SH3PXD2A: variants seen among roughly 807,000 people sequenced by gnomAD.
The protein encoded by SH3PXD2A is SH3 and PX domain-containing protein 2A.
Under a neutral mutation model 115.2 loss-of-function variants are expected in SH3PXD2A, and 32 were observed. That is an observed-to-expected ratio of 0.28 (90% confidence interval 0.21 to 0.37). SH3PXD2A has a LOEUF of 0.37. SH3PXD2A is among the 10% of genes least tolerant of loss of function. The pLI, the probability that SH3PXD2A is intolerant of heterozygous loss-of-function variation, is 1.00. For missense variants in SH3PXD2A, 1,328 were observed against 1,498.7 expected (o/e 0.89, Z 1.88); for synonymous variants, 610 against 629.1 (o/e 0.97, Z 0.45).
intron 6 of SH3PXD2A, among the ~76,000 whole-genome samples, chr10:103,692,204 A>G (rs377614731): frequency 4.9e-4 from 74 of 152,174 alleles, no homozygotes; most frequent in African/African-American, 1.8e-3. Flanking sequence ...ACTCTCCCCC[A>G]GTTAACTACA....
At chr10:103,691,610 T>G (rs1008270611) in intron 6 of SH3PXD2A, among the ~76,000 whole-genome samples, 2 of 152,024 alleles carry the variant, frequency 1.3e-5, no homozygotes, top group African/African-American at 4.8e-5. Context: ...CACCAGTGGG[T>G]GTGCCTGCCT....
intron 4 of SH3PXD2A, 137 bp from the exon 5 acceptor site, chr10:103,724,498 C>A: frequency 1.9e-6 from 1 of 531,792 alleles, no homozygotes; most frequent in Non-Finnish European, 3.4e-6. Flanking sequence ...ACCAGCCACC[C>A]ACCTGTCCAC....
intron 1 of SH3PXD2A, among the ~76,000 whole-genome samples, chr10:103,810,346 C>T (rs1052309941): frequency 2.0e-5 from 3 of 152,234 alleles, no homozygotes; most frequent in Non-Finnish European, 4.4e-5. Context: ...CATCCAACCT[C>T]CAGGCCCTCA....
intron 2 of SH3PXD2A, among the ~76,000 whole-genome samples, chr10:103,793,444 C>T (rs1256718717): frequency 6.6e-6 from 1 of 152,196 alleles, no homozygotes; most frequent in Non-Finnish European, 1.5e-5. Context: ...GCTTTGACTG[C>T]TGTACTAAGT....
chr10:103,831,312 T>C (rs1209433509), intron 1 of SH3PXD2A, among the ~76,000 whole-genome samples: 3 of 152,210 alleles, frequency 2.0e-5, no homozygotes, highest in Non-Finnish European at 4.4e-5. Flanking sequence ...TATCCAACCA[T>C]TGGCATTTGT....
chr10:103,742,819 G>T (rs1435684461), intron 3 of SH3PXD2A, among the ~76,000 whole-genome samples: 1 of 152,150 alleles, frequency 6.6e-6, no homozygotes, highest in Non-Finnish European at 1.5e-5. Flanking sequence ...ACCTGAAGCC[G>T]AGAGAATGGG....
At chr10:103,606,944 G>C (rs2133917462) in intron 13 of SH3PXD2A, among the ~76,000 whole-genome samples, 1 of 152,040 alleles carries the variant, frequency 6.6e-6, no homozygotes, top group East Asian at 1.9e-4. Flanking sequence ...GAGCGTCTCT[G>C]CCTGGCCGCC....
At chr10:103,845,908 T>G (rs917324619) in intron 1 of SH3PXD2A, among the ~76,000 whole-genome samples, 1 of 152,174 alleles carries the variant, frequency 6.6e-6, no homozygotes. Context: ...CCACACTCCA[T>G]CAATCCCTAC....
Position 103,669,770 on chromosome 10 carries a change from CA to C in SH3PXD2A, c.428-1119del, listed in dbSNP as rs139388057. On this transcript the variant is annotated intron_variant, in intron 6 of 14. Coordinates refer to ENST00000369774, the MANE Select transcript of SH3PXD2A (RefSeq NM_001394015.1). ...AACGCTGAATTGCAGGTCTGAGAGA[CA>C]AACTCTCGCACTGCCCACCAGGCGC... Among the ~76,000 whole-genome samples, 506 of 152,374 alleles carry C rather than the reference CA, an allele frequency of 3.3e-3. 3 individuals are homozygous for C. The highest frequency in any genetic ancestry group is 0.012 in the African/African-American group (488 of 41,596).
intron 3 of SH3PXD2A, among the ~76,000 whole-genome samples, chr10:103,751,419 C>T (rs2038578312): frequency 6.6e-6 from 1 of 152,178 alleles, no homozygotes; most frequent in South Asian, 2.1e-4. Flanking sequence ...TTCTTCACAA[C>T]AGCCCAACAA....
chr10:103,650,069 A>G (rs1047243166), intron 8 of SH3PXD2A, among the ~76,000 whole-genome samples: 3 of 152,216 alleles, frequency 2.0e-5, no homozygotes, highest in Admixed American at 1.3e-4. Context: ...GAGTTAGAAA[A>G]ACAGGCTCTT....
At chr10:103,629,301 G>A (rs1483307852) in intron 8 of SH3PXD2A, among the ~76,000 whole-genome samples, 1 of 152,228 alleles carries the variant, frequency 6.6e-6, no homozygotes, top group East Asian at 1.9e-4. Context: ...TTGGGGACTG[G>A]GCAGCAGCCG....
chr10:103,662,674 C>T (rs1381610519), intron 7 of SH3PXD2A, among the ~76,000 whole-genome samples: 3 of 151,846 alleles, frequency 2.0e-5, no homozygotes, highest in East Asian at 3.9e-4. Context: ...GCTGGGATTA[C>T]AGGCGTGAGC....
chr10:103,618,362 C>A (rs778873712), intron 10 of SH3PXD2A, among the ~76,000 whole-genome samples: 12 of 152,204 alleles, frequency 7.9e-5, no homozygotes, highest in Non-Finnish European at 1.3e-4. Context: ...TCCCAGGAAG[C>A]CCCTGATAGG....
chr10:103,633,934 G>A (rs1020260009), intron 8 of SH3PXD2A, among the ~76,000 whole-genome samples: 1 of 152,074 alleles, frequency 6.6e-6, no homozygotes, highest in Non-Finnish European at 1.5e-5. Context: ...GACAACCCTG[G>A]GCACATCCCT....
intron 8 of SH3PXD2A, among the ~76,000 whole-genome samples, chr10:103,637,435 T>C (rs560197808): frequency 3.9e-5 from 6 of 152,132 alleles, no homozygotes; most frequent in Admixed American, 6.5e-5. Context: ...CCCAGGCCTA[T>C]GTAAGGGTTT....
In SH3PXD2A at chr10:103,601,534, T is replaced by G; in HGVS notation, c.*282A>C. 1 of 317,994 alleles carries G rather than the reference T, an allele frequency of 3.1e-6. No individual in the cohort carries two copies. Among genetic ancestry groups the G allele is most frequent in the Non-Finnish European group, 5.8e-6 (1 of 172,026 alleles). The allele number at this position is 317,994 out of a possible 1,614,324, so 19.7% of individuals were successfully genotyped here. Reference sequence around the variant, plus strand: ...ATGTAATCCATTGGTGAAGTCCCTATGGTGCACAGGATATCTCAGCTTTCT... The same window carrying G: ...ATGTAATCCATTGGTGAAGTCCCTAGGGTGCACAGGATATCTCAGCTTTCT... On this transcript the variant is annotated 3_prime_UTR_variant, in exon 15 of 15. Transcript: ENST00000369774.
intron 2 of SH3PXD2A, among the ~76,000 whole-genome samples, chr10:103,770,496 C>T (rs2038805827): frequency 6.6e-6 from 1 of 152,246 alleles, no homozygotes; most frequent in South Asian, 2.1e-4. Flanking sequence ...CCACTGTGCC[C>T]AGGACACGTC....
chr10:103,659,441 T>C (rs1564856468), intron 8 of SH3PXD2A, among the ~76,000 whole-genome samples: 2 of 152,238 alleles, frequency 1.3e-5, no homozygotes, highest in East Asian at 3.9e-4. Flanking sequence ...TCGCCTGAGG[T>C]CTCCCATGTC....
Sources: gnomAD v4.1 joint callset for allele counts (sites outside exome capture counted in the v4.1 genomes callset) on GRCh38, gnomAD v4.1.1 for gene constraint, MANE v1.5 for transcripts, NCBI Gene and HGNC (gene_info 2026-07-23, HGNC 2026-07-21) for gene names.